Variants in ARHGAP26 observed in about 807,000 individuals in gnomAD.
ARHGAP26 encodes rho GTPase-activating protein 26.
Under a neutral mutation model 104.8 loss-of-function variants are expected in ARHGAP26, and 38 were observed. The observed-to-expected ratio is 0.36, with a 90% CI of 0.28 to 0.48. The LOEUF is 0.48. Ranked by LOEUF, ARHGAP26 falls within the 20% of genes least tolerant of loss-of-function variation. The probability of loss-of-function intolerance (pLI) is 0.99; values close to 1 mark genes in which losing one functional copy is unlikely to be tolerated. For missense variants in ARHGAP26, 704 were observed against 947.9 expected (o/e 0.74, Z 3.38); for synonymous variants, 341 against 340.0 (o/e 1.00, Z -0.03).
At chr5:142,974,442 T>G (rs76878904) in intron 11 of ARHGAP26, among the ~76,000 whole-genome samples, 7,551 of 152,238 alleles carry the variant, frequency 0.05, 220 homozygotes, top group African/African-American at 0.084. Context: ...TTACAGGCAA[T>G]GGCCCTCTTT....
intron 1 of ARHGAP26, among the ~76,000 whole-genome samples, chr5:142,789,709 G>T (rs943515624): frequency 8.5e-5 from 13 of 152,084 alleles, no homozygotes; most frequent in African/African-American, 2.9e-4. Context: ...ACATTTCCTT[G>T]CACCCCCACC....
chr5:143,161,058 C>T (rs920443338), intron 20 of ARHGAP26, among the ~76,000 whole-genome samples: 1 of 134,580 alleles, frequency 7.4e-6, no homozygotes, highest in Non-Finnish European at 1.5e-5. Flanking sequence ...GTTGCTCAGG[C>T]TGGAGTGCAG....
intron 19 of ARHGAP26, among the ~76,000 whole-genome samples, chr5:143,136,068 T>A (rs1012070332): frequency 9.3e-5 from 14 of 150,096 alleles, no homozygotes; most frequent in Non-Finnish European, 2.1e-4. Flanking sequence ...CGGTGTAGAT[T>A]AGGAGAGGCT....
intron 1 of ARHGAP26, among the ~76,000 whole-genome samples, chr5:142,773,146 C>G (rs1265893080): frequency 6.6e-6 from 1 of 152,090 alleles, no homozygotes; most frequent in Non-Finnish European, 1.5e-5. Flanking sequence ...ATTCCGATAT[C>G]ATGAGATGCT....
At chr5:143,151,080 CAAAG>C (rs909278383) in intron 20 of ARHGAP26, among the ~76,000 whole-genome samples, 11 of 152,090 alleles carry the variant, frequency 7.2e-5, no homozygotes, top group Non-Finnish European at 1.6e-4. Context: ...AATAAGTAAA[CAAAG>C]AACCCAATTA....
intron 14 of ARHGAP26, among the ~76,000 whole-genome samples, chr5:143,051,351 A>T (rs1047503557): frequency 3.9e-5 from 6 of 152,234 alleles, no homozygotes; most frequent in Non-Finnish European, 7.3e-5. Flanking sequence ...TAGTAGGTTC[A>T]GGAGGAAATA....
chr5:142,976,588 G>A (rs111809738), intron 11 of ARHGAP26, among the ~76,000 whole-genome samples: 3,602 of 152,194 alleles, frequency 0.024, 64 homozygotes, highest in Middle Eastern at 0.051. Context: ...GAATAAAAGC[G>A]CACCTAAGTA....
intron 18 of ARHGAP26, among the ~76,000 whole-genome samples, chr5:143,123,947 TAATTTTCTGTAATA>T (rs1170979951): frequency 6.6e-6 from 1 of 150,882 alleles, no homozygotes; most frequent in Non-Finnish European, 1.5e-5. Context: ...GACTTGGCTT[TAATTTTCTGTAATA>T]GAAACACACA....
At chr5:143,206,288 G>C (rs2151345052) in intron 20 of ARHGAP26, among the ~76,000 whole-genome samples, 1 of 152,348 alleles carries the variant, frequency 6.6e-6, no homozygotes, top group East Asian at 1.9e-4. Flanking sequence ...TCTGTCATTG[G>C]TGTTTGCACT....
chr5:143,220,536 G>A (rs1299049156), intron 22 of ARHGAP26, among the ~76,000 whole-genome samples: 2 of 152,224 alleles, frequency 1.3e-5, no homozygotes, highest in African/African-American at 4.8e-5. Flanking sequence ...TGGTTGGATG[G>A]ATGGGCAGAG....
intron 1 of ARHGAP26, among the ~76,000 whole-genome samples, chr5:142,850,139 C>G (rs1751227238): frequency 6.6e-6 from 1 of 152,218 alleles, no homozygotes; most frequent in South Asian, 2.1e-4. Flanking sequence ...GCCTACCTCT[C>G]CTGCTCTGCC....
At chr5:143,144,415 T>G (rs566748647) in intron 19 of ARHGAP26, among the ~76,000 whole-genome samples, 1 of 151,756 alleles carries the variant, frequency 6.6e-6, no homozygotes, top group East Asian at 1.9e-4. Context: ...TTATTATTAT[T>G]TTTTAAAGGA....
At chr5:143,031,766 G>T (rs1278676732) in intron 12 of ARHGAP26, among the ~76,000 whole-genome samples, 1 of 152,024 alleles carries the variant, frequency 6.6e-6, no homozygotes, top group Non-Finnish European at 1.5e-5. Flanking sequence ...TCTTGCCCAG[G>T]CTGGAGTGCA....
chr5:143,039,945 T>A (rs750933059), intron 13 of ARHGAP26, among the ~76,000 whole-genome samples: 14 of 152,210 alleles, frequency 9.2e-5, no homozygotes, highest in Non-Finnish European at 1.3e-4. Context: ...ATGAGTTAGG[T>A]GCCATTTTAG....
At chr5:143,118,615 T>C (rs1448341153) in intron 17 of ARHGAP26, among the ~76,000 whole-genome samples, 1 of 151,884 alleles carries the variant, frequency 6.6e-6, no homozygotes, top group African/African-American at 2.4e-5. Flanking sequence ...TACGGAAAAA[T>C]TTAAAAACTA....
chr5:142,927,645 C>T (rs1046754301), intron 10 of ARHGAP26, among the ~76,000 whole-genome samples: 3 of 152,134 alleles, frequency 2.0e-5, no homozygotes, highest in African/African-American at 4.8e-5. Flanking sequence ...TTCCTGAATG[C>T]GTCTTTTGGT....
At chr5:142,943,960 G>A (rs577106147) in intron 11 of ARHGAP26, among the ~76,000 whole-genome samples, 6 of 152,172 alleles carry the variant, frequency 3.9e-5, no homozygotes, top group Admixed American at 1.3e-4. Flanking sequence ...CATAATGCAC[G>A]TTAATTTTGT....
chr5:142,913,494 C>T (rs766702720), intron 10 of ARHGAP26, among the ~76,000 whole-genome samples: 4 of 150,512 alleles, frequency 2.7e-5, no homozygotes, highest in South Asian at 2.1e-4. Context: ...TGCTGATTTG[C>T]GAGAATCATT....
At chr5:142,855,927 A>G (rs1752283818) in intron 1 of ARHGAP26, among the ~76,000 whole-genome samples, 1 of 152,212 alleles carries the variant, frequency 6.6e-6, no homozygotes, top group South Asian at 2.1e-4. Flanking sequence ...TGAATGAATA[A>G]CAATAAATGA....
Sources: allele counts gnomAD v4.1 joint callset (sites outside exome capture counted in the v4.1 genomes callset), GRCh38; gene constraint gnomAD v4.1.1; transcripts MANE v1.5; gene names NCBI Gene and HGNC (gene_info 2026-07-23, HGNC 2026-07-21).